The following MICU1 variants were observed in gnomAD, a reference collection of about 807,000 sequenced individuals.
The protein encoded by MICU1 is mitochondrial calcium uptake 1.
Under a neutral mutation model 56.8 loss-of-function variants are expected in MICU1, and 45 were observed. The observed-to-expected ratio is 0.79, with a 90% CI of 0.62 to 1.02. The LOEUF (loss-of-function observed/expected upper bound fraction) is 1.02. MICU1 is among the 50% of genes least tolerant of loss of function. MICU1 has a pLI of 0.00. For missense variants in MICU1, 504 were observed against 587.1 expected, an observed-to-expected ratio of 0.86 and a Z score of 1.46; for synonymous variants, 186 against 195.1, an observed-to-expected ratio of 0.95 and a Z score of 0.39.
chr10:72,581,055 A>G (rs200139698), intron 1 of MICU1, among the ~76,000 whole-genome samples: 13 of 152,242 alleles, frequency 8.5e-5, no homozygotes, highest in Non-Finnish European at 1.5e-4. Context: ...GCCCAATTCA[A>G]CTGAGGAGTA....
intron 6 of MICU1, among the ~76,000 whole-genome samples, chr10:72,502,309 C>A (rs1346275483): frequency 6.6e-6 from 1 of 152,064 alleles, no homozygotes; most frequent in Non-Finnish European, 1.5e-5. Flanking sequence ...TATGTACCAC[C>A]ATGCCCGGCT....
chr10:72,618,791 T>C (rs1039686413), intron 1 of MICU1, among the ~76,000 whole-genome samples: 2 of 152,310 alleles, frequency 1.3e-5, no homozygotes, highest in African/African-American at 4.8e-5. Context: ...TTCAATACAA[T>C]AGCCACTACC....
At chr10:72,368,743 C>T (rs1862230481) in intron 11 of MICU1, among the ~76,000 whole-genome samples, 2 of 152,100 alleles carry the variant, frequency 1.3e-5, no homozygotes, top group African/African-American at 2.4e-5. Context: ...ATCTCCCACC[C>T]TGGCTGAGGG....
intron 1 of MICU1, among the ~76,000 whole-genome samples, chr10:72,614,213 TA>T (rs980341096): frequency 9.4e-4 from 141 of 150,776 alleles, no homozygotes; most frequent in Non-Finnish European, 1.6e-3. Context: ...ACTTAAATTT[TA>T]AAAAAAAAAC....
chr10:72,498,660 A>G (rs1054492501), intron 6 of MICU1, among the ~76,000 whole-genome samples: 3 of 152,188 alleles, frequency 2.0e-5, no homozygotes, highest in African/African-American at 7.2e-5. Flanking sequence ...TTCCTTTCTG[A>G]GAGCCTAAGG....
At chr10:72,492,789 G>C (rs28759335) in intron 6 of MICU1, among the ~76,000 whole-genome samples, 1 of 135,224 alleles carries the variant, frequency 7.4e-6, no homozygotes. Flanking sequence ...AAATAGAATA[G>C]AATAAAATAA....
At chr10:72,435,768 C>G (rs922807784) in intron 8 of MICU1, among the ~76,000 whole-genome samples, 2 of 152,270 alleles carry the variant, frequency 1.3e-5, no homozygotes, top group Admixed American at 1.3e-4. Flanking sequence ...GTCCCACGCC[C>G]ACGGAGCCTT....
At chr10:72,578,136 C>A (rs972054860) in intron 1 of MICU1, among the ~76,000 whole-genome samples, 2 of 152,158 alleles carry the variant, frequency 1.3e-5, no homozygotes, top group African/African-American at 4.8e-5. Context: ...GAAATTGCCA[C>A]AGCCACCCCA....
At chr10:72,503,445 G>A (rs1297304333) in intron 6 of MICU1, among the ~76,000 whole-genome samples, 1 of 152,156 alleles carries the variant, frequency 6.6e-6, no homozygotes, top group African/African-American at 2.4e-5. Context: ...GGGGGAGGGT[G>A]TAGGCTGTGC....
chr10:72,423,434 G>T, intron 8 of MICU1, 63 bp from the exon 9 acceptor site: 2 of 1,560,426 alleles, frequency 1.3e-6, no homozygotes, highest in Non-Finnish European at 1.7e-6. Flanking sequence ...GTGGAACACG[G>T]AATGATCAGC....
At chr10:72,616,427 A>G (rs1409985130) in intron 1 of MICU1, among the ~76,000 whole-genome samples, 2 of 151,984 alleles carry the variant, frequency 1.3e-5, no homozygotes, top group African/African-American at 2.4e-5. Flanking sequence ...GTCTCTACTA[A>G]AAATACAAAA....
intron 9 of MICU1, among the ~76,000 whole-genome samples, chr10:72,418,097 T>C (rs532864656): frequency 1.3e-5 from 2 of 152,220 alleles, no homozygotes; most frequent in East Asian, 1.9e-4. Context: ...AACTAACTCA[T>C]TGTCATGAGA....
At chr10:72,431,090 GTCTGTCTATCTA>G (rs1364588922) in intron 8 of MICU1, among the ~76,000 whole-genome samples, 73 of 102,016 alleles carry the variant, frequency 7.2e-4, no homozygotes, top group African/African-American at 2.8e-3. Context: ...ACCTTTATCT[GTCTGTCTATCTA>G]TCTATCTATC....
At chr10:72,581,376 T>G (rs1038291921) in intron 1 of MICU1, among the ~76,000 whole-genome samples, 1 of 152,182 alleles carries the variant, frequency 6.6e-6, no homozygotes, top group Non-Finnish European at 1.5e-5. Context: ...ACACCTGTAA[T>G]CCCAGCACTT....
At chr10:72,456,885 GTGTGTGTGTGTGTGTGTT>G (rs1470063470) in intron 8 of MICU1, among the ~76,000 whole-genome samples, 1 of 57,316 alleles carries the variant, frequency 1.7e-5, no homozygotes, top group African/African-American at 6.7e-5. Flanking sequence ...GTGTGTGTGT[GTGTGTGTGTGTGTGTGTT>G]TTGTTTGTTT....
chr10:72,594,098 T>A (rs777908212), intron 1 of MICU1, among the ~76,000 whole-genome samples: 1 of 152,182 alleles, frequency 6.6e-6, no homozygotes, highest in Non-Finnish European at 1.5e-5. Flanking sequence ...ATCTCACACT[T>A]CCTGATTTCA....
intron 1 of MICU1, among the ~76,000 whole-genome samples, chr10:72,574,425 A>T (rs1197861139): frequency 6.6e-6 from 1 of 152,174 alleles, no homozygotes; most frequent in Non-Finnish European, 1.5e-5. Context: ...AGGCTGAGGC[A>T]GGAGAATCGC....
At chr10:72,457,246 A>T (rs1270224814) in intron 8 of MICU1, among the ~76,000 whole-genome samples, 1 of 139,980 alleles carries the variant, frequency 7.1e-6, no homozygotes, top group Non-Finnish European at 1.5e-5. Context: ...AGAGAGAGGG[A>T]CTTACTCTGT....
At chr10:72,407,574 G>A (rs1212923117) in intron 10 of MICU1, among the ~76,000 whole-genome samples, 1 of 152,174 alleles carries the variant, frequency 6.6e-6, no homozygotes, top group African/African-American at 2.4e-5. Flanking sequence ...CATCAAAGAC[G>A]CAACTTAAGT....
Sources: allele counts gnomAD v4.1 joint callset (sites outside exome capture counted in the v4.1 genomes callset), GRCh38; gene constraint gnomAD v4.1.1; transcripts MANE v1.5; gene names NCBI Gene and HGNC (gene_info 2026-07-23, HGNC 2026-07-21).